FARSB: variants seen among roughly 807,000 people sequenced by gnomAD.
FARSB encodes phenylalanyl-tRNA synthetase subunit beta.
Under a neutral mutation model 69.6 loss-of-function variants are expected in FARSB, and 40 were observed. The ratio of observed to expected loss-of-function variants is 0.57; its 90% CI spans 0.45 to 0.75. The LOEUF is 0.75. FARSB is among the 30% of genes least tolerant of loss of function. FARSB has a pLI of 0.00. For missense variants in FARSB, 632 were observed against 722.9 expected, an observed-to-expected ratio of 0.87 and a Z score of 1.44; for synonymous variants, 235 against 247.2, an observed-to-expected ratio of 0.95 and a Z score of 0.46.
rs1370477608 is a variant in FARSB at position 222,630,123 on chromosome 2, T to C, written c.838A>G (p.Asn280Asp). 1 of 1,557,112 alleles carries C rather than the reference T, an allele frequency of 6.4e-7. No individual in the cohort carries two copies. The highest frequency in any genetic ancestry group is 8.7e-7 in the Non-Finnish European group (1 of 1,151,466). ...IVTMFSEYCENQFTVEAAEVV... is the reference protein window; with the variant it reads ...IVTMFSEYCEDQFTVEAAEVV... Reference sequence around the variant, plus strand: ...GCTGGATGAACTTACGTAAATTGATTCTCACAATATTCACTGAACATGGTG... The same window carrying C: ...GCTGGATGAACTTACGTAAATTGATCCTCACAATATTCACTGAACATGGTG... The change falls in exon 9 of 17, where the codon AAT becomes GAT. Residue 280 changes from asparagine (N) to aspartate (D), a missense_variant. Physicochemically the swap from Asn to Asp is conservative, Grantham distance 23. Transcript: ENST00000281828.
At chr2:222,595,236 C>A (rs1034681472) in intron 16 of FARSB, among the ~76,000 whole-genome samples, 31 of 152,234 alleles carry the variant, frequency 2.0e-4, no homozygotes, top group African/African-American at 7.5e-4. Flanking sequence ...TTGTATAAAT[C>A]AAACCATAAA....
chr2:222,615,848 T>G (rs1264241237), intron 14 of FARSB, among the ~76,000 whole-genome samples: 1 of 152,224 alleles, frequency 6.6e-6, no homozygotes, highest in Non-Finnish European at 1.5e-5. Flanking sequence ...TTATTCATTT[T>G]CCCCATTGGA....
At chr2:222,655,982 G>A in intron 1 of FARSB, 34 bp downstream of exon 1, 1 of 1,540,342 alleles carries the variant, frequency 6.5e-7, no homozygotes, top group South Asian at 1.2e-5. Context: ...TCCGAGAAGA[G>A]GCGTAGGGCC....
intron 2 of FARSB, among the ~76,000 whole-genome samples, chr2:222,647,172 C>T (rs545145593): frequency 1.2e-4 from 19 of 152,332 alleles, no homozygotes; most frequent in African/African-American, 3.8e-4. Flanking sequence ...GCAGGGGAAA[C>T]TATCATCTAG....
At position 222,643,385 on chromosome 2, in the gene FARSB, A is replaced by G. The variant is rs182150878; in HGVS notation, c.115-380T>C. Among the ~76,000 whole-genome samples, 149 of 152,348 alleles carry G rather than the reference A, an allele frequency of 9.8e-4. 1 individual carries two copies. Among genetic ancestry groups the G allele is most frequent in the Non-Finnish European group, 1.9e-3 (128 of 68,032 alleles). On this transcript the variant is annotated intron_variant, in intron 2 of 16. Coordinates refer to ENST00000281828, the MANE Select transcript of FARSB (RefSeq NM_005687.5). Reference sequence around the variant, plus strand: ...TTACATATTATCTACTGCTACTTACACACTGCAATAGCTGAGTTGTAACAG... The same window carrying G: ...TTACATATTATCTACTGCTACTTACGCACTGCAATAGCTGAGTTGTAACAG...
At chr2:222,589,161 A>G (rs1690198304) in intron 16 of FARSB, among the ~76,000 whole-genome samples, 1 of 152,338 alleles carries the variant, frequency 6.6e-6, no homozygotes, top group East Asian at 1.9e-4. Context: ...TTACCAAAAC[A>G]GAGATATAGA....
chr2:222,635,772 T>C (rs1691562551), intron 5 of FARSB, among the ~76,000 whole-genome samples: 1 of 152,040 alleles, frequency 6.6e-6, no homozygotes, highest in Non-Finnish European at 1.5e-5. Flanking sequence ...AAAGACACCA[T>C]AAAAATTATT....
At chr2:222,576,312 T>C (rs1689837434) in intron 16 of FARSB, among the ~76,000 whole-genome samples, 1 of 152,026 alleles carries the variant, frequency 6.6e-6, no homozygotes, top group Admixed American at 6.6e-5. Context: ...CGAACCCACA[T>C]ATTGTACTGC....
chr2:222,645,639 T>A (rs1350823257), intron 2 of FARSB, among the ~76,000 whole-genome samples: 1 of 150,962 alleles, frequency 6.6e-6, no homozygotes, highest in Admixed American at 6.6e-5. Flanking sequence ...GAGAAAAAAA[T>A]TGGGCTTTTA....
chr2:222,619,469 G>T (rs1053536072), intron 14 of FARSB, among the ~76,000 whole-genome samples, 176 bp downstream of exon 14: 1 of 152,110 alleles, frequency 6.6e-6, no homozygotes, highest in Non-Finnish European at 1.5e-5. Context: ...TTTTAAAAGT[G>T]TAAAGAATTT....
chr2:222,597,380 T>A (rs763549957), intron 16 of FARSB, among the ~76,000 whole-genome samples: 3 of 151,886 alleles, frequency 2.0e-5, no homozygotes, highest in Non-Finnish European at 4.4e-5. Flanking sequence ...CTAACAAAAT[T>A]GAACATAAAG....
intron 10 of FARSB, among the ~76,000 whole-genome samples, chr2:222,628,429 T>C (rs929987839): frequency 2.0e-5 from 3 of 152,172 alleles, no homozygotes; most frequent in Non-Finnish European, 4.4e-5. Context: ...ATATGTACAA[T>C]TATTATGTGC....
At chr2:222,644,803 C>A (rs952975744) in intron 2 of FARSB, among the ~76,000 whole-genome samples, 1 of 151,894 alleles carries the variant, frequency 6.6e-6, no homozygotes, top group Non-Finnish European at 1.5e-5. Context: ...TAAAATAGAA[C>A]AATTAAAATA....
chr2:222,599,533 T>C (rs949597753), intron 16 of FARSB, among the ~76,000 whole-genome samples: 1 of 152,202 alleles, frequency 6.6e-6, no homozygotes, highest in East Asian at 1.9e-4. Flanking sequence ...TTTTTTCTTT[T>C]GTCTTAAAGC....
At chr2:222,603,906 T>C (rs192601109) in intron 15 of FARSB, among the ~76,000 whole-genome samples, 101 of 151,874 alleles carry the variant, frequency 6.7e-4, no homozygotes, top group African/African-American at 2.3e-3. Context: ...ATATATCCAC[T>C]TAATATGGTC....
At position 222,623,707 on chromosome 2, in the gene FARSB, T is replaced by C. The variant is rs2106218801; in HGVS notation, c.1194A>G (p.Glu398=). The C allele has an allele frequency of 6.2e-7, 1 of 1,610,674 alleles. No individual in the cohort carries two copies. The highest frequency in any genetic ancestry group is 2.2e-5 in the East Asian group (1 of 44,866). The stretch of plus-strand genomic sequence containing the variant: ...CGGCTGCCATGTCATGTCGGAGAAG[T>C]TCAGTGAGCTTATTAAGAGGAAACT... ...ANQFPLNKLT[E]LLRHDMAAAG... is the part of the protein sequence containing the mutation. Residue 398 remains glutamate, a synonymous_variant, in exon 13 of 17, where the codon GAA becomes GAG. Coordinates refer to ENST00000281828, the MANE Select transcript of FARSB (RefSeq NM_005687.5).
chr2:222,616,191 G>C (rs375115369), intron 14 of FARSB, among the ~76,000 whole-genome samples: 2 of 152,026 alleles, frequency 1.3e-5, no homozygotes, highest in Admixed American at 6.6e-5. Context: ...AAAGAAAGAC[G>C]GAAGGATGAG....
In FARSB at chr2:222,643,385, A is replaced by C. The variant is rs182150878; in HGVS notation, c.115-380T>G. Among the ~76,000 whole-genome samples the C allele has an allele frequency of 3.9e-4, 59 of 152,348 alleles. 1 individual carries two copies. Among genetic ancestry groups the C allele is most frequent in the African/African-American group, 1.4e-3 (59 of 41,576 alleles). Reference sequence around the variant, plus strand: ...TTACATATTATCTACTGCTACTTACACACTGCAATAGCTGAGTTGTAACAG... The same window carrying C: ...TTACATATTATCTACTGCTACTTACCCACTGCAATAGCTGAGTTGTAACAG... On this transcript the variant is annotated intron_variant, in intron 2 of 16. Transcript: ENST00000281828.
intron 16 of FARSB, among the ~76,000 whole-genome samples, chr2:222,584,070 A>G (rs551627762): frequency 6.6e-6 from 1 of 152,322 alleles, no homozygotes; most frequent in South Asian, 2.1e-4. Flanking sequence ...TGAGGGTTAA[A>G]TGGTGGTTAA....
Sources: gnomAD v4.1 joint callset for allele counts (sites outside exome capture counted in the v4.1 genomes callset) on GRCh38, gnomAD v4.1.1 for gene constraint, MANE v1.5 for transcripts, NCBI Gene and HGNC (gene_info 2026-07-23, HGNC 2026-07-21) for gene names.